USP45: variants seen among roughly 807,000 people sequenced by gnomAD.
USP45 encodes the protein ubiquitin specific peptidase 45, also known as ubiquitin carboxyl-terminal hydrolase 45.
USP45 carries 89 observed loss-of-function variants against 95.8 expected under a neutral mutation model. That is an observed-to-expected ratio of 0.93 (90% CI 0.78 to 1.11). USP45 has a LOEUF of 1.11. Ranked by LOEUF, USP45 falls within the 50% of genes least tolerant of loss-of-function variation. The probability of loss-of-function intolerance (pLI) is 0.00; values close to 1 mark genes in which losing one functional copy is unlikely to be tolerated. For synonymous variants in USP45, 281 were observed against 316.2 expected (o/e 0.89, Z 1.18); for missense variants, 898 against 942.5 (o/e 0.95, Z 0.62).
chr6:99,481,639 T>G (rs769050138), intron 8 of USP45, among the ~76,000 whole-genome samples: 1 of 152,130 alleles, frequency 6.6e-6, no homozygotes, highest in Non-Finnish European at 1.5e-5. Flanking sequence ...TAGTACCGAA[T>G]AGTTAGTTTT....
chr6:99,463,141 T>C (rs1394753970), intron 13 of USP45, among the ~76,000 whole-genome samples: 1 of 152,124 alleles, frequency 6.6e-6, no homozygotes, highest in Non-Finnish European at 1.5e-5. Context: ...GCCAGGTATG[T>C]CCCTAGTGAA....
chr6:99,461,601 T>G (rs1324323823), intron 13 of USP45: 2 of 985,156 alleles, frequency 2.0e-6, no homozygotes, highest in Non-Finnish European at 2.4e-6. Flanking sequence ...GGCAAGATTT[T>G]CTCAGCTAAT....
chr6:99,460,702 T>C (rs1228646140), intron 13 of USP45: 3 of 804,940 alleles, frequency 3.7e-6, no homozygotes, highest in East Asian at 2.5e-4. Flanking sequence ...GGTAAAATAA[T>C]AGAAAGATTG....
chr6:99,467,411 C>T (rs929610734), intron 10 of USP45, among the ~76,000 whole-genome samples: 2 of 151,926 alleles, frequency 1.3e-5, no homozygotes, highest in African/African-American at 4.8e-5. Context: ...AACTTTCCAT[C>T]ATAAACCATG....
At chr6:99,458,003 G>A (rs972009725) in intron 13 of USP45, among the ~76,000 whole-genome samples, 2 of 152,104 alleles carry the variant, frequency 1.3e-5, no homozygotes, top group South Asian at 2.1e-4. Context: ...AGTAAGCAGC[G>A]TAAGTATCAG....
intron 11 of USP45, among the ~76,000 whole-genome samples, chr6:99,466,167 C>A (rs1000548335): frequency 1.4e-4 from 22 of 152,250 alleles, no homozygotes; most frequent in African/African-American, 5.1e-4. Flanking sequence ...AGGCACCCAC[C>A]ACCATGCCTG....
rs764791270 is a variant in USP45, at chr6:99,446,229, T to C, written c.1543A>G (p.Lys515Glu). The change falls in exon 14 of 18, where the codon AAG becomes GAG. Residue 515 changes from lysine (K) to glutamate (E), a missense_variant. Lys to Glu is a moderately conservative substitution (Grantham distance 56, BLOSUM62 1). Transcript: ENST00000500704. ...CTGGATCTGAACAGCCCAGTCTGCTTTGAAGCACTTTCAGATTCTGAAGGC... is the reference window on the plus strand; with the variant it reads ...CTGGATCTGAACAGCCCAGTCTGCTCTGAAGCACTTTCAGATTCTGAAGGC... ...SEPSESESAS[K>E]QTGLFRSSSG... 33 of 1,614,080 alleles carry C rather than the reference T, an allele frequency of 2.0e-5. 1 individual carries two copies. The South Asian group carries it at 2.7e-4, about 13-fold the overall frequency.
chr6:99,496,835 T>A (rs182786087), intron 5 of USP45, among the ~76,000 whole-genome samples: 9 of 152,090 alleles, frequency 5.9e-5, no homozygotes, highest in African/African-American at 2.2e-4. Flanking sequence ...ATTTTCCATA[T>A]CCCCCCTACC....
rs752790135 is a variant in USP45, at chr6:99,464,603, CCTTAT to C, written c.1304_1308del (p.Asp435GlufsTer6). On this transcript the variant is annotated frameshift_variant and splice_region_variant, in exon 13 of 18. Coordinates refer to ENST00000500704, the MANE Select transcript of USP45 (RefSeq NM_001346022.3). LOFTEE classifies it high-confidence loss of function. Reference sequence around the variant, plus strand: ...CGTCTAACAGATGCTTATGGTCTTACCTTATCTTTAGATGAAGAATGCTTCTTGGC... The same window carrying C: ...CGTCTAACAGATGCTTATGGTCTTACCTTTAGATGAAGAATGCTTCTTGGC... The C allele has an allele frequency of 1.2e-6, 2 of 1,609,460 alleles. No homozygotes were observed. Among genetic ancestry groups the C allele is most frequent in the African/African-American group, 1.3e-5 (1 of 74,744 alleles).
chr6:99,469,292 A>C (rs1242503029), intron 9 of USP45, among the ~76,000 whole-genome samples: 1 of 151,836 alleles, frequency 6.6e-6, no homozygotes, highest in Non-Finnish European at 1.5e-5. Context: ...AATCTCACAG[A>C]AAAGTTTCAG....
intron 14 of USP45, among the ~76,000 whole-genome samples, chr6:99,444,370 TAGGTA>T (rs1562303783): frequency 6.6e-6 from 1 of 152,156 alleles, no homozygotes; most frequent in Non-Finnish European, 1.5e-5. Flanking sequence ...CAATTGCATA[TAGGTA>T]TTTCTTCCTT....
intron 5 of USP45, among the ~76,000 whole-genome samples, chr6:99,493,487 G>GGTATGTAT (rs376097232): frequency 4.8e-4 from 73 of 152,074 alleles, no homozygotes; most frequent in African/African-American, 1.7e-3. Context: ...CATTCATGCA[G>GGTATGTAT]GTATGTATGT....
Position 99,435,856 on chromosome 6 carries a change from CAAA to C in USP45, c.2315-13_2315-11del. ...TCAGCCGCTTTCAAACCTAGCAAAA[CAAA>C]AAGAAGTACAATTTTAAAGTAAGTA... is the stretch of plus-strand genomic sequence containing the variant. On this transcript the variant is annotated splice_polypyrimidine_tract_variant and intron_variant, in intron 17 of 17. Coordinates refer to ENST00000500704, the MANE Select transcript of USP45 (RefSeq NM_001346022.3). 1.3e-6 allele frequency: 2 copies of C among 1,599,822 alleles called. No homozygotes were observed. The highest frequency in any genetic ancestry group is 2.7e-5 in the African/African-American group (2 of 74,050).
intron 9 of USP45, among the ~76,000 whole-genome samples, chr6:99,474,875 G>C (rs1019708776): frequency 6.6e-6 from 1 of 152,166 alleles, no homozygotes; most frequent in Non-Finnish European, 1.5e-5. Flanking sequence ...CCCAGAAGAA[G>C]TTGAATTTAA....
At chr6:99,474,409 G>T (rs1211408125) in intron 9 of USP45, among the ~76,000 whole-genome samples, 8 of 152,162 alleles carry the variant, frequency 5.3e-5, no homozygotes, top group African/African-American at 1.9e-4. Context: ...TATTGGCCAG[G>T]CTGGTCTGAA....
chr6:99,485,940 G>T (rs890444184), intron 7 of USP45, among the ~76,000 whole-genome samples: 1 of 152,068 alleles, frequency 6.6e-6, no homozygotes, highest in African/African-American at 2.4e-5. Flanking sequence ...CATCCATTCC[G>T]ATAAAACTTT....
At chr6:99,501,536 C>A (rs570700594) in intron 5 of USP45, among the ~76,000 whole-genome samples, 63 of 152,280 alleles carry the variant, frequency 4.1e-4, no homozygotes, top group Admixed American at 1.1e-3. Context: ...CTGTTCCTTT[C>A]TTTTGTAGCA....
At chr6:99,516,000 ATC>A (rs1432183070), upstream of USP45, among the ~76,000 whole-genome samples, 2 of 151,832 alleles carry the variant, frequency 1.3e-5, no homozygotes, top group East Asian at 3.9e-4. Context: ...GATGGTCTCG[ATC>A]TCCTGACCTT....
At chr6:99,499,691 G>A (rs983579789) in intron 5 of USP45, among the ~76,000 whole-genome samples, 14 of 152,080 alleles carry the variant, frequency 9.2e-5, no homozygotes, top group Admixed American at 2.6e-4. Context: ...TGCTATTCAC[G>A]GTTCCATAAA....
Sources: allele counts gnomAD v4.1 joint callset (sites outside exome capture counted in the v4.1 genomes callset), GRCh38; gene constraint gnomAD v4.1.1; transcripts MANE v1.5; gene names NCBI Gene and HGNC (gene_info 2026-07-23, HGNC 2026-07-21).